The following GRM1 variants were observed in gnomAD, a reference collection of about 807,000 sequenced individuals.
GRM1 encodes the protein metabotropic glutamate receptor 1.
GRM1 carries 33 observed loss-of-function variants against 90.9 expected under a neutral mutation model. The ratio of observed to expected loss-of-function variants is 0.36; its 90% CI spans 0.28 to 0.49. GRM1 has a LOEUF of 0.49. GRM1 is among the 20% of genes least tolerant of loss of function. The probability of loss-of-function intolerance (pLI) is 0.99; values close to 1 mark genes in which losing one functional copy is unlikely to be tolerated. For synonymous variants in GRM1, 700 were observed against 613.2 expected, an observed-to-expected ratio of 1.14 and a Z score of -2.09; for missense variants, 1,190 against 1,534.3, an observed-to-expected ratio of 0.78 and a Z score of 3.75.
chr6:146,389,117 A>G (rs1776617912), intron 6 of GRM1, among the ~76,000 whole-genome samples: 1 of 151,906 alleles, frequency 6.6e-6, no homozygotes, highest in African/African-American at 2.4e-5. Flanking sequence ...TTTTTCTTGT[A>G]TAAGTAGGTC....
At chr6:146,047,875 G>T (rs943678155) in intron 1 of GRM1, among the ~76,000 whole-genome samples, 1 of 151,968 alleles carries the variant, frequency 6.6e-6, no homozygotes, top group Non-Finnish European at 1.5e-5. Context: ...TTTGAATTGT[G>T]TTTCACATGA....
At chr6:146,360,354 G>A (rs927121968) in intron 5 of GRM1, among the ~76,000 whole-genome samples, 1 of 151,908 alleles carries the variant, frequency 6.6e-6, no homozygotes, top group African/African-American at 2.4e-5. Flanking sequence ...TCTCATGGAA[G>A]AAGAGAAAAA....
chr6:146,277,511 C>A (rs1782417742), intron 2 of GRM1, among the ~76,000 whole-genome samples: 1 of 152,172 alleles, frequency 6.6e-6, no homozygotes, highest in African/African-American at 2.4e-5. Context: ...CAATTAAAAA[C>A]CCTGGACATC....
chr6:146,183,880 C>T (rs1778632119), intron 2 of GRM1, among the ~76,000 whole-genome samples: 1 of 152,082 alleles, frequency 6.6e-6, no homozygotes, highest in Non-Finnish European at 1.5e-5. Flanking sequence ...GTTCTTTGTG[C>T]AGTTTCTGTA....
chr6:146,134,860 G>A (rs1329249572), intron 1 of GRM1, among the ~76,000 whole-genome samples: 1 of 152,118 alleles, frequency 6.6e-6, no homozygotes, highest in East Asian at 1.9e-4. Context: ...GAACCCGGGA[G>A]GCAGAGCTTG....
At chr6:146,150,318 T>C (rs551707285) in intron 1 of GRM1, among the ~76,000 whole-genome samples, 5 of 152,306 alleles carry the variant, frequency 3.3e-5, no homozygotes, top group African/African-American at 7.2e-5. Context: ...TAGTTATAGA[T>C]GTTGAGTATT....
At position 146,128,364 on chromosome 6, in the gene GRM1, G is replaced by A. The variant is rs569094519; in HGVS notation, c.701-30984G>A. On this transcript the variant is annotated intron_variant, in intron 1 of 7. Coordinates refer to ENST00000282753, the MANE Select transcript of GRM1 (RefSeq NM_001278064.2). ...GCATTTAATATGTATCAAGCGCTAA[G>A]AGATTTACATACATACATCACCTCC... is the stretch of plus-strand genomic sequence containing the variant. 2.0e-4 allele frequency among the ~76,000 whole-genome samples: 31 copies of A among 152,258 alleles called. No individual in the cohort carries two copies. The South Asian group carries it at 4.1e-3, about 20-fold the overall frequency.
At chr6:146,215,970 G>C (rs1326258357) in intron 2 of GRM1, among the ~76,000 whole-genome samples, 1 of 152,122 alleles carries the variant, frequency 6.6e-6, no homozygotes, top group Admixed American at 6.5e-5. Flanking sequence ...TGTTAGCCAG[G>C]ATGGTCTCGA....
intron 1 of GRM1, among the ~76,000 whole-genome samples, chr6:146,094,728 G>A (rs2128868548): frequency 6.6e-6 from 1 of 152,162 alleles, no homozygotes; most frequent in East Asian, 1.9e-4. Context: ...CAGTGGAATA[G>A]GAGAATAATC....
intron 1 of GRM1, among the ~76,000 whole-genome samples, chr6:146,059,555 C>G (rs1359072615): frequency 6.6e-6 from 1 of 152,140 alleles, no homozygotes; most frequent in Non-Finnish European, 1.5e-5. Flanking sequence ...TTAAAGTCAA[C>G]AGTTGCATTA....
intron 3 of GRM1, among the ~76,000 whole-genome samples, chr6:146,339,157 A>G (rs1283331291): frequency 6.6e-6 from 1 of 152,252 alleles, no homozygotes; most frequent in Non-Finnish European, 1.5e-5. Flanking sequence ...TCAAAGAATG[A>G]ACTGGCATTC....
chr6:146,174,401 T>A (rs1733661874), intron 2 of GRM1, among the ~76,000 whole-genome samples: 1 of 152,210 alleles, frequency 6.6e-6, no homozygotes, highest in Non-Finnish European at 1.5e-5. Flanking sequence ...ATTATATAGT[T>A]CTTAAATTTT....
intron 1 of GRM1, among the ~76,000 whole-genome samples, chr6:146,087,385 T>C (rs1181985781): frequency 6.6e-6 from 1 of 152,126 alleles, no homozygotes; most frequent in Non-Finnish European, 1.5e-5. Flanking sequence ...GAAACTAACA[T>C]TGGCGTTGGT....
At chr6:146,237,756 T>C (rs1780704857) in intron 2 of GRM1, among the ~76,000 whole-genome samples, 1 of 152,092 alleles carries the variant, frequency 6.6e-6, no homozygotes, top group African/African-American at 2.4e-5. Context: ...GCAGTGTCAA[T>C]CTTTGTATCC....
At chr6:146,090,070 G>A (rs905862253) in intron 1 of GRM1, among the ~76,000 whole-genome samples, 2 of 151,964 alleles carry the variant, frequency 1.3e-5, no homozygotes, top group African/African-American at 2.4e-5. Flanking sequence ...CTTTGTTTAT[G>A]AAAAGTTTTT....
chr6:146,399,686 G>A lies in GRM1; in HGVS notation c.2647G>A (p.Ala883Thr), dbSNP rs376290378. The stretch of plus-strand genomic sequence containing the variant: ...CATCTTCCGAAGAAAGAAGGCAGGG[G>A]CAGGGAATGCCAAGTGAGTTATCTG... ...LNIFRRKKAG[A>T]GNANSNGKSV... is the part of the protein sequence containing the mutation. The change falls in exon 7 of 8, where the codon GCA becomes ACA. Residue 883 changes from alanine to threonine, a missense_variant. Physicochemically the swap from Ala to Thr is moderately conservative, Grantham distance 58. This residue lies in a region of GRM1 where 400 missense variants were observed against 360.8 expected (regional missense o/e 1.11). Coordinates refer to ENST00000282753, the MANE Select transcript of GRM1 (RefSeq NM_001278064.2). This position sits in a 1 kb window ranked among gnomAD's most constrained non-coding sequence, Gnocchi z 5.4. The A allele has an allele frequency of 1.2e-6, 2 of 1,609,634 alleles. No homozygotes were observed. Among genetic ancestry groups the A allele is most frequent in the East Asian group, 2.2e-5 (1 of 44,868 alleles).
intron 7 of GRM1, among the ~76,000 whole-genome samples, chr6:146,432,471 T>C (rs1367416823): frequency 6.6e-6 from 1 of 152,248 alleles, no homozygotes; most frequent in East Asian, 1.9e-4. Context: ...ATTCTCAAGA[T>C]GATGAAATAA....
In GRM1 at chr6:146,399,498, G is replaced by A; in HGVS notation, c.2459G>A (p.Ser820Asn). Reference sequence around the variant, plus strand: ...ATCATCACAACTTGCTTTGCAGTGAGTCTCAGTGTAACAGTGGCTCTGGGG... The same window carrying A: ...ATCATCACAACTTGCTTTGCAGTGAATCTCAGTGTAACAGTGGCTCTGGGG... Reference protein sequence around the residue: ...YKIITTCFAVSLSVTVALGCM... With the variant: ...YKIITTCFAVNLSVTVALGCM... Residue 820 changes from serine to asparagine, a missense_variant, in exon 7 of 8, where the codon AGT becomes AAT. Physicochemically the swap from Ser to Asn is conservative, Grantham distance 46. Transcript: ENST00000282753. This position sits in a 1 kb window ranked among gnomAD's most constrained non-coding sequence, Gnocchi z 5.4. 1 of 1,614,162 alleles carries A rather than the reference G, an allele frequency of 6.2e-7. No homozygotes were observed. Among genetic ancestry groups the A allele is most frequent in the Non-Finnish European group, 8.5e-7 (1 of 1,179,994 alleles).
At chr6:146,242,935 A>G (rs2114738623) in intron 2 of GRM1, among the ~76,000 whole-genome samples, 1 of 152,270 alleles carries the variant, frequency 6.6e-6, no homozygotes, top group East Asian at 1.9e-4. Context: ...TATGGAGAAT[A>G]CGTATGCTAC....
Sources: gnomAD v4.1 joint callset for allele counts (sites outside exome capture counted in the v4.1 genomes callset) on GRCh38, gnomAD v4.1.1 for gene constraint, gnomAD v4.1.1 regional missense constraint, Gnocchi (gnomAD v3.1) non-coding constraint, MANE v1.5 for transcripts, NCBI Gene and HGNC (gene_info 2026-07-23, HGNC 2026-07-21) for gene names.